Variants in BLTP2 observed in about 807,000 individuals in gnomAD.
BLTP2 encodes bridge-like lipid transfer protein family member 2, also known as U937-associated antigen.
At chr17:28,634,126 C>T in the BLTP2 span, 14 of 1,560,276 alleles carry the variant, frequency 9.0e-6, 1 homozygote, top group African/African-American at 1.2e-4. Context: ...TACTCAGGGG[C>T]AGTCTGAGCA....
chr17:28,622,947 C>T, the BLTP2 span, among the ~76,000 whole-genome samples: 7 of 152,166 alleles, frequency 4.6e-5, no homozygotes, highest in African/African-American at 9.6e-5. Context: ...TGGTGGGGCA[C>T]GCCTGTAATC....
chr17:28,615,094 G>C, the BLTP2 span: 128 of 1,613,836 alleles, frequency 7.9e-5, no homozygotes, highest in African/African-American at 1.6e-3. Context: ...TGGACTTCTT[G>C]CCAGGGTTCT....
the BLTP2 span, chr17:28,634,371 A>AAAGGG: frequency 1.2e-6 from 1 of 815,302 alleles, no homozygotes. Context: ...AGGAACAAAG[A>AAAGGG]AAGGGAAGGG....
chr17:28,622,581 C>T, the BLTP2 span, among the ~76,000 whole-genome samples: 3 of 152,208 alleles, frequency 2.0e-5, no homozygotes, highest in African/African-American at 2.4e-5. Context: ...TAAGTAATAA[C>T]GCACAATATT....
At chr17:28,622,377 T>C in the BLTP2 span, among the ~76,000 whole-genome samples, 5 of 152,192 alleles carry the variant, frequency 3.3e-5, no homozygotes, top group Non-Finnish European at 7.3e-5. Flanking sequence ...TGAGGTTGCC[T>C]GGATTAAGCC....
chr17:28,636,998 G>A, the BLTP2 span: 1 of 1,614,198 alleles, frequency 6.2e-7, no homozygotes, highest in Non-Finnish European at 8.5e-7. Context: ...GATAGGTGAT[G>A]GAGAGCATGG....
At chr17:28,632,801 C>CAA in the BLTP2 span, 1 of 553,142 alleles carries the variant, frequency 1.8e-6, no homozygotes, top group Non-Finnish European at 3.0e-6. Context: ...TGCCAAAAAA[C>CAA]AAAAAAAAAG....
chr17:28,620,841 G>A, the BLTP2 span: 28 of 939,248 alleles, frequency 3.0e-5, no homozygotes, highest in Non-Finnish European at 1.6e-6. Flanking sequence ...TCTCATAGCA[G>A]AACTTACAAA....
the BLTP2 span, chr17:28,624,031 CA>C: frequency 6.8e-7 from 1 of 1,473,654 alleles, no homozygotes; most frequent in East Asian, 2.3e-5. Flanking sequence ...CACATTGTAT[CA>C]ACCACTGCAG....
At chr17:28,638,466 T>C in the BLTP2 span, 20 of 1,601,264 alleles carry the variant, frequency 1.2e-5, no homozygotes, top group East Asian at 1.8e-4. Context: ...TGGCCATCAA[T>C]TGGGCCTAGC....
At chr17:28,640,059 T>A in the BLTP2 span, 1 of 1,608,576 alleles carries the variant, frequency 6.2e-7, no homozygotes, top group South Asian at 1.1e-5. Flanking sequence ...CAGGAAGATG[T>A]GGAATGCCAT....
At chr17:28,615,516 G>T in the BLTP2 span, 3 of 934,862 alleles carry the variant, frequency 3.2e-6, no homozygotes, top group African/African-American at 5.0e-5. Context: ...GTGAGGTCAT[G>T]GAGAGGGTAG....
chr17:28,639,531 G>A, the BLTP2 span: 83 of 1,612,674 alleles, frequency 5.1e-5, no homozygotes, highest in Non-Finnish European at 6.6e-5. Flanking sequence ...AATGTAGCGG[G>A]AGAATAGAGA....
At chr17:28,637,991 G>A in the BLTP2 span, 6 of 1,614,200 alleles carry the variant, frequency 3.7e-6, no homozygotes, top group Non-Finnish European at 5.1e-6. Flanking sequence ...CAGACATTGG[G>A]CACAGGTATC....
chr17:28,635,057 C>T, the BLTP2 span: 1 of 1,613,514 alleles, frequency 6.2e-7, no homozygotes, highest in Non-Finnish European at 8.5e-7. Context: ...CACTTCTGAA[C>T]TCCCACAGCC....
At chr17:28,637,767 G>A in the BLTP2 span, 55 of 1,510,680 alleles carry the variant, frequency 3.6e-5, no homozygotes, top group African/African-American at 2.7e-5. Flanking sequence ...TGCCTCCTGG[G>A]TTGAAGTGAT....
At chr17:28,645,023 G>A in the BLTP2 span, 1,644 of 1,601,152 alleles carry the variant, frequency 1.0e-3, 1 homozygote, top group Non-Finnish European at 1.3e-3. Flanking sequence ...GCAACTAGCA[G>A]CAAGACCAAC....
the BLTP2 span, among the ~76,000 whole-genome samples, chr17:28,630,058 T>C: frequency 6.6e-6 from 1 of 152,120 alleles, no homozygotes; most frequent in East Asian, 1.9e-4. Flanking sequence ...GAAACACGGT[T>C]TCACCATGTT....
chr17:28,624,408 A>G, the BLTP2 span: 2 of 1,606,718 alleles, frequency 1.2e-6, no homozygotes, highest in Non-Finnish European at 1.7e-6. Flanking sequence ...AGAAATAGGA[A>G]GCAGGGAAAG....
Sources: gnomAD v4.1 joint callset for allele counts (sites outside exome capture counted in the v4.1 genomes callset) on GRCh38, gnomAD v4.1.1 for gene constraint, MANE v1.5 for transcripts, NCBI Gene and HGNC (gene_info 2026-07-23, HGNC 2026-07-21) for gene names.